The following TTC21B variants were observed in gnomAD, a reference collection of about 807,000 sequenced individuals.
TTC21B encodes tetratricopeptide repeat protein 21B.
Under a neutral mutation model 175.1 loss-of-function variants are expected in TTC21B, and 127 were observed. The observed-to-expected ratio is 0.73, with a 90% confidence interval of 0.63 to 0.84. TTC21B has a LOEUF of 0.84. TTC21B is among the 40% of genes least tolerant of loss of function. TTC21B has a pLI of 0.00. For missense variants in TTC21B, 1,561 were observed against 1,558.3 expected (o/e 1.00, Z -0.03); for synonymous variants, 524 against 524.5 (o/e 1.00, Z 0.01).
At chr2:165,878,358 G>A (rs1261131677) in intron 27 of TTC21B, among the ~76,000 whole-genome samples, 3 of 152,114 alleles carry the variant, frequency 2.0e-5, no homozygotes, top group Non-Finnish European at 4.4e-5. Flanking sequence ...GAGAGACAGC[G>A]AGAGAATGCA....
In TTC21B at chr2:165,929,163, A is replaced by G. The variant is rs373845234; in HGVS notation, c.1358T>C (p.Met453Thr). The G allele has an allele frequency of 8.7e-6, 14 of 1,612,894 alleles. No homozygotes were observed. Among genetic ancestry groups the G allele is most frequent in the East Asian group, 2.2e-5 (1 of 44,740 alleles). The part of the protein sequence containing the change: ...LNPDFLLEIV[M>T]EYLSFCPMQP... ...CATTGGACAGAAGCTCAGATACTCC[A>G]TAACAATTTCTAACAAGAAATCAGG... The change falls in exon 11 of 29, where the codon ATG becomes ACG. Residue 453 changes from methionine to threonine, a missense_variant. Met to Thr is a moderately conservative substitution (Grantham distance 81). Transcript: ENST00000243344.
Position 165,890,782 on chromosome 2 carries a change from C to T in TTC21B, c.3101+56G>A, listed in dbSNP as rs140942904. ...TTACTACAAAGAAAAGCTTATTCTA[C>T]TTGATTTACAATGAGAAAAAAAAAT... On this transcript the variant is annotated intron_variant, in intron 23 of 28. Coordinates refer to ENST00000243344, the MANE Select transcript of TTC21B (RefSeq NM_024753.5). The T allele has an allele frequency of 2.0e-3, 3,222 of 1,577,754 alleles. 8 individuals are homozygous for T. The highest frequency in any genetic ancestry group is 2.4e-3 in the Non-Finnish European group (2,820 of 1,152,278).
At chr2:165,900,784 TG>T (rs1685532604) in intron 20 of TTC21B, among the ~76,000 whole-genome samples, 2 of 152,134 alleles carry the variant, frequency 1.3e-5, no homozygotes. Context: ...ACAATAAATT[TG>T]AAAATTATTT....
At position 165,932,963 on chromosome 2, in the gene TTC21B, T is replaced by C. The variant is rs2105348659; in HGVS notation, c.795+10A>G. On this transcript the variant is annotated intron_variant, in intron 7 of 28. Coordinates refer to ENST00000243344, the MANE Select transcript of TTC21B (RefSeq NM_024753.5). Reference sequence around the variant, plus strand: ...AATATAGGAAACTTAAATAATACAATGCCACTTACCTTCTCTATATCCCCC... The same window carrying C: ...AATATAGGAAACTTAAATAATACAACGCCACTTACCTTCTCTATATCCCCC... The C allele has an allele frequency of 1.2e-6, 2 of 1,608,820 alleles. No individual in the cohort carries two copies. Among genetic ancestry groups the C allele is most frequent in the African/African-American group, 1.3e-5 (1 of 74,936 alleles).
At position 165,929,338 on chromosome 2, in the gene TTC21B, A is replaced by G; in HGVS notation, c.1186-3T>C. On this transcript the variant is annotated splice_polypyrimidine_tract_variant and splice_region_variant and intron_variant, in intron 10 of 28. Coordinates refer to ENST00000243344, the MANE Select transcript of TTC21B (RefSeq NM_024753.5). Reference sequence around the variant, plus strand: ...ACTGCATGTAAATAGATTAATTCCTAGAAAATAAGTAGTTTTCATAAATTA... The same window carrying G: ...ACTGCATGTAAATAGATTAATTCCTGGAAAATAAGTAGTTTTCATAAATTA... The G allele has an allele frequency of 6.3e-7, 1 of 1,596,804 alleles. No individual in the cohort carries two copies. Among genetic ancestry groups the G allele is most frequent in the Non-Finnish European group, 8.6e-7 (1 of 1,166,498 alleles).
chr2:165,914,682 T>TGTGTGTGTGTGTGTGCGCGCGCGCGCGC (rs1553511392), intron 15 of TTC21B, among the ~76,000 whole-genome samples: 13 of 149,844 alleles, frequency 8.7e-5, no homozygotes, highest in African/African-American at 3.2e-4. Flanking sequence ...TGTGTGTGTG[T>TGTGTGTGTGTGTGTGCGCGCGCGCGCGC]GTGTGTGTGT....
intron 7 of TTC21B, 140 bp from the exon 8 acceptor site, chr2:165,931,996 G>C (rs1686927807): frequency 1.5e-6 from 1 of 659,470 alleles, no homozygotes; most frequent in Non-Finnish European, 2.8e-6. Flanking sequence ...TCCTTCAATG[G>C]ATGATTATAT....
rs369390519 is a variant in TTC21B, at chr2:165,941,187, A to G, written c.553-3T>C. ...TGGCGCATCTCAAGGCATTGTGCCTAATGGAAGGGAAAAAAAGTGATATCC... is the reference window on the plus strand; with the variant it reads ...TGGCGCATCTCAAGGCATTGTGCCTGATGGAAGGGAAAAAAAGTGATATCC... On this transcript the variant is annotated splice_polypyrimidine_tract_variant and splice_region_variant and intron_variant, in intron 5 of 28. Transcript: ENST00000243344. 39 of 1,613,674 alleles carry G rather than the reference A, an allele frequency of 2.4e-5. No homozygotes were observed. In the African/African-American group the frequency reaches 3.9e-4, roughly 16 times the overall value.
At chr2:165,876,453 C>G (rs1186726252) in intron 27 of TTC21B, among the ~76,000 whole-genome samples, 2 of 152,160 alleles carry the variant, frequency 1.3e-5, no homozygotes, top group Non-Finnish European at 2.9e-5. Context: ...AAAAGGACCA[C>G]AGTGAATACA....
intron 9 of TTC21B, 96 bp from the exon 10 acceptor site, chr2:165,929,843 C>T: frequency 1.2e-6 from 1 of 833,760 alleles, no homozygotes; most frequent in Non-Finnish European, 2.0e-6. Context: ...CACCCTTTCC[C>T]CCATCACAAT....
chr2:165,914,912 G>A (rs1447827340), intron 15 of TTC21B, among the ~76,000 whole-genome samples: 2 of 151,964 alleles, frequency 1.3e-5, no homozygotes, highest in Non-Finnish European at 2.9e-5. Context: ...AGAACACAGG[G>A]TACAATTTCC....
chr2:165,911,562 C>T (rs1685935087), intron 17 of TTC21B, 97 bp from the exon 18 acceptor site: 1 of 1,430,320 alleles, frequency 7.0e-7, no homozygotes, highest in South Asian at 1.2e-5. Flanking sequence ...ATTGGTATAA[C>T]TAGAAATAAC....
intron 18 of TTC21B, 110 bp downstream of exon 18, chr2:165,911,213 TTATA>T: frequency 3.7e-6 from 5 of 1,353,088 alleles, no homozygotes; most frequent in Non-Finnish European, 5.2e-6. Context: ...ACGCATGTAT[TTATA>T]TAACCAACCA....
intron 22 of TTC21B, 29 bp from the exon 23 acceptor site, chr2:165,891,017 G>C: frequency 6.4e-7 from 1 of 1,573,384 alleles, no homozygotes; most frequent in Non-Finnish European, 8.7e-7. Context: ...TCAGATATGG[G>C]CACCATTTTA....
At chr2:165,891,359 G>A (rs1034298946) in intron 22 of TTC21B, among the ~76,000 whole-genome samples, 2 of 151,964 alleles carry the variant, frequency 1.3e-5, no homozygotes, top group South Asian at 2.1e-4. Flanking sequence ...GTTCACTGTC[G>A]GTCTCTGAGA....
At chr2:165,920,627 G>A (rs1686354149) in intron 12 of TTC21B, among the ~76,000 whole-genome samples, 3 of 152,098 alleles carry the variant, frequency 2.0e-5, no homozygotes, top group Admixed American at 6.6e-5. Flanking sequence ...AGGAGAAAGT[G>A]CATAGAGAAT....
In TTC21B at chr2:165,883,930, A is replaced by G. The variant is rs780846081; in HGVS notation, c.3548T>C (p.Ile1183Thr). Residue 1183 changes from isoleucine to threonine, a missense_variant, in exon 26 of 29, where the codon ATT becomes ACT. Coordinates refer to ENST00000243344, the MANE Select transcript of TTC21B (RefSeq NM_024753.5). Reference protein sequence around the residue: ...TPRARNQLKRIAKMNWNAIDA... With the variant: ...TPRARNQLKRTAKMNWNAIDA... ...AATAGCATTCCAATTCATTTTCGCA[A>G]TACGCTTCAGCTGGTTTCTGGCTCG... 1.9e-6 allele frequency: 3 copies of G among 1,613,996 alleles called. No homozygotes were observed. The highest frequency in any genetic ancestry group is 2.5e-6 in the Non-Finnish European group (3 of 1,179,998).
At chr2:165,920,801 C>CT (rs1686370420) in intron 12 of TTC21B, among the ~76,000 whole-genome samples, 1 of 63,168 alleles carries the variant, frequency 1.6e-5, no homozygotes. Context: ...TTGAAGGATA[C>CT]TAAATATTTA....
Position 165,911,672 on chromosome 2 carries a change from T to A in TTC21B, c.2323-207A>T, listed in dbSNP as rs545838216. On this transcript the variant is annotated intron_variant, in intron 17 of 28. Transcript: ENST00000243344. ...AAACAACTAATATATATATATATTT[T>A]TTTTTTTTGAGTCACAGTCTCACTC... Among the ~76,000 whole-genome samples the A allele has an allele frequency of 0.015, 2,317 of 150,250 alleles. 61 individuals carry two copies. Among genetic ancestry groups the A allele is most frequent in the African/African-American group, 0.055 (2,194 of 40,008 alleles).
Sources: gnomAD v4.1 joint callset for allele counts (sites outside exome capture counted in the v4.1 genomes callset) on GRCh38, gnomAD v4.1.1 for gene constraint, MANE v1.5 for transcripts, NCBI Gene and HGNC (gene_info 2026-07-23, HGNC 2026-07-21) for gene names.